Variants in DPP6 observed in about 807,000 individuals in gnomAD.
The protein encoded by DPP6 is A-type potassium channel modulatory protein DPP6.
Under a neutral mutation model 122.6 loss-of-function variants are expected in DPP6, and 69 were observed. That is an observed-to-expected ratio of 0.56 (90% CI 0.46 to 0.69). DPP6 has a LOEUF of 0.69. Among genes scored for constraint, DPP6 ranks in the 30% least tolerant of loss-of-function variants. The pLI is 0.00. For missense variants in DPP6, 928 were observed against 1,116.9 expected (o/e 0.83, Z 2.41); for synonymous variants, 418 against 433.1 (o/e 0.97, Z 0.43).
the DPP6 span, among the ~76,000 whole-genome samples, chr7:153,835,379 C>T: frequency 2.6e-4 from 40 of 151,118 alleles, no homozygotes; most frequent in South Asian, 8.3e-4. Flanking sequence ...ATACCACTGG[C>T]GGTTTTATGA....
intron 7 of DPP6, among the ~76,000 whole-genome samples, chr7:154,685,159 G>A (rs922274855): frequency 2.6e-5 from 4 of 152,236 alleles, no homozygotes; most frequent in African/African-American, 9.6e-5. Context: ...ATGGCAAGCA[G>A]CTGCTCAGCT....
chr7:154,576,860 C>T (rs1831715286), intron 5 of DPP6, among the ~76,000 whole-genome samples: 1 of 152,074 alleles, frequency 6.6e-6, no homozygotes, highest in African/African-American at 2.4e-5. Flanking sequence ...GTGGTGATTG[C>T]CACAGGCCTC....
At chr7:153,928,272 C>T in intron 1 of DPP6, among the ~76,000 whole-genome samples, 1 of 150,382 alleles carries the variant, frequency 6.6e-6, no homozygotes. Flanking sequence ...AGTTCAGTGG[C>T]ACGATCTTGG....
chr7:154,740,967 C>A (rs1389015049), intron 8 of DPP6, among the ~76,000 whole-genome samples: 2 of 152,100 alleles, frequency 1.3e-5, no homozygotes, highest in African/African-American at 4.8e-5. Context: ...TAACTTTTCT[C>A]TTTACTATGG....
intron 8 of DPP6, among the ~76,000 whole-genome samples, chr7:154,741,295 CA>C (rs1842809950): frequency 6.6e-6 from 1 of 152,250 alleles, no homozygotes; most frequent in Non-Finnish European, 1.5e-5. Context: ...CACCCTGAGT[CA>C]AGTCCCAGAG....
At chr7:153,870,035 G>A in the DPP6 span, among the ~76,000 whole-genome samples, 1 of 152,114 alleles carries the variant, frequency 6.6e-6, no homozygotes, top group Non-Finnish European at 1.5e-5. Context: ...TAGTCTGATG[G>A]GCTTCCCTTT....
chr7:154,818,900 G>T (rs569614431), intron 16 of DPP6, among the ~76,000 whole-genome samples: 1 of 152,186 alleles, frequency 6.6e-6, no homozygotes, highest in Non-Finnish European at 1.5e-5. Context: ...TCTGGAACAT[G>T]TCACACTCTT....
chr7:154,749,773 A>C (rs55966132), intron 8 of DPP6, among the ~76,000 whole-genome samples: 17 of 42,706 alleles, frequency 4.0e-4, no homozygotes, highest in East Asian at 3.1e-3. Context: ...CTTTACTGAG[A>C]GAGGGTGAGA....
chr7:153,885,967 A>C (rs1419424522), upstream of DPP6, among the ~76,000 whole-genome samples: 1 of 152,126 alleles, frequency 6.6e-6, no homozygotes, highest in Non-Finnish European at 1.5e-5. Flanking sequence ...AGAATCATCT[A>C]CTTCTTCATG....
intron 7 of DPP6, among the ~76,000 whole-genome samples, chr7:154,683,274 G>A (rs746445819): frequency 9.9e-5 from 15 of 152,116 alleles, no homozygotes; most frequent in Non-Finnish European, 2.1e-4. Context: ...CGCCTGTCCC[G>A]TGAGTGTGAG....
chr7:153,811,448 G>C, the DPP6 span, among the ~76,000 whole-genome samples: 4 of 152,216 alleles, frequency 2.6e-5, no homozygotes, highest in African/African-American at 9.6e-5. Flanking sequence ...GGAATGAGCA[G>C]AGAGGGGAGG....
intron 1 of DPP6, among the ~76,000 whole-genome samples, chr7:153,980,414 G>A (rs1796523659): frequency 6.6e-6 from 1 of 151,916 alleles, no homozygotes. Flanking sequence ...ATTTTCTATT[G>A]TGTCTATTTG....
the DPP6 span, among the ~76,000 whole-genome samples, chr7:153,780,778 T>A: frequency 2.0e-5 from 3 of 152,122 alleles, no homozygotes; most frequent in Non-Finnish European, 4.4e-5. Flanking sequence ...AATGTTACAG[T>A]GGCCAGAACG....
At chr7:154,724,637 C>T (rs975243798) in intron 7 of DPP6, among the ~76,000 whole-genome samples, 2 of 152,164 alleles carry the variant, frequency 1.3e-5, no homozygotes, top group Non-Finnish European at 2.9e-5. Flanking sequence ...CTTCCAGACC[C>T]TCCAGGAGCT....
intron 1 of DPP6, among the ~76,000 whole-genome samples, chr7:154,268,773 C>A (rs898320437): frequency 6.6e-6 from 1 of 151,964 alleles, no homozygotes; most frequent in Non-Finnish European, 1.5e-5. Context: ...ATGCTGCTGT[C>A]CTTTATTCAG....
chr7:154,137,712 G>T (rs1795647196), intron 1 of DPP6, among the ~76,000 whole-genome samples: 1 of 150,476 alleles, frequency 6.6e-6, no homozygotes, highest in Non-Finnish European at 1.5e-5. Context: ...AAGCCCCTTG[G>T]ATTAACACAC....
chr7:154,175,615 C>A (rs1797759798), intron 1 of DPP6, among the ~76,000 whole-genome samples: 3 of 152,118 alleles, frequency 2.0e-5, no homozygotes. Flanking sequence ...TTAAGATGCT[C>A]AGCTTGCAGC....
chr7:154,666,191 A>G lies in DPP6; in HGVS notation c.681-3169A>G, dbSNP rs1838141413. Among the ~76,000 whole-genome samples, 3 of 91,446 alleles carry G rather than the reference A, an allele frequency of 3.3e-5. No homozygotes were observed. In the South Asian group the frequency reaches 1.3e-3, roughly 39 times the overall value. The allele number at this position is 91,446 out of a possible 152,430, so 60.0% of individuals were successfully genotyped here. A position where few individuals can be genotyped will look rare whatever the true frequency, so the allele number is the denominator to read the frequency against. On this transcript the variant is annotated intron_variant, in intron 6 of 25. Coordinates refer to ENST00000377770, the MANE Select transcript of DPP6 (RefSeq NM_130797.4). Reference sequence around the variant, plus strand: ...TACATACATATATGTGTGTATATATATATATATATACACATATACATACAT... The same window carrying G: ...TACATACATATATGTGTGTATATATGTATATATATACACATATACATACAT...
the DPP6 span, among the ~76,000 whole-genome samples, chr7:153,803,828 T>C: frequency 6.7e-6 from 1 of 149,880 alleles, no homozygotes; most frequent in Non-Finnish European, 1.5e-5. Flanking sequence ...AACAGATAAA[T>C]GTGTATGTGT....
Sources: allele counts gnomAD v4.1 joint callset (sites outside exome capture counted in the v4.1 genomes callset), GRCh38; gene constraint gnomAD v4.1.1; transcripts MANE v1.5; gene names NCBI Gene and HGNC (gene_info 2026-07-23, HGNC 2026-07-21).